The following AXIN1 variants were observed in gnomAD, a reference collection of about 807,000 sequenced individuals.
AXIN1 encodes axin 1.
AXIN1 carries 30 observed loss-of-function variants against 76.4 expected under a neutral mutation model. That is an observed-to-expected ratio of 0.39 (90% CI 0.29 to 0.53). The LOEUF is 0.53. Ranked by LOEUF, AXIN1 falls within the 20% of genes least tolerant of loss-of-function variation. AXIN1 has a pLI of 0.66. For missense variants in AXIN1, 1,140 were observed against 1,198.8 expected, an observed-to-expected ratio of 0.95 and a Z score of 0.72; for synonymous variants, 545 against 501.4, an observed-to-expected ratio of 1.09 and a Z score of -1.16.
At chr16:327,596 T>C (rs547269828) in intron 2 of AXIN1, among the ~76,000 whole-genome samples, 82 of 152,364 alleles carry the variant, frequency 5.4e-4, no homozygotes, top group African/African-American at 1.8e-3. Flanking sequence ...TTCTGCAGAC[T>C]GTCCACAGGC....
In AXIN1 at chr16:288,266, G is replaced by A. The variant is rs1450565228; in HGVS notation, c.2463-18C>T. 2 of 1,613,256 alleles carry A rather than the reference G, an allele frequency of 1.2e-6. No homozygotes were observed. The highest frequency in any genetic ancestry group is 1.7e-6 in the Non-Finnish European group (2 of 1,179,976). ...AGTAGTATCTGCAGGACGGAGGTGA[G>A]GAGGGCAGTGAGCAGGCAGCACCGC... On this transcript the variant is annotated intron_variant, in intron 10 of 10. Coordinates refer to ENST00000262320, the MANE Select transcript of AXIN1 (RefSeq NM_003502.4).
chr16:332,775 T>C (rs533228580), intron 2 of AXIN1, among the ~76,000 whole-genome samples: 2 of 151,186 alleles, frequency 1.3e-5, no homozygotes, highest in Admixed American at 1.3e-4. Flanking sequence ...GCAAAATATA[T>C]GAAAGATTTA....
chr16:313,170 T>G (rs2053221930), intron 3 of AXIN1, among the ~76,000 whole-genome samples: 1 of 152,204 alleles, frequency 6.6e-6, no homozygotes, highest in African/African-American at 2.4e-5. Context: ...CCAGGCGTGG[T>G]GGCGCACGCT....
intron 9 of AXIN1, 43 bp downstream of exon 9, chr16:291,147 G>A (rs538739736): frequency 3.9e-6 from 6 of 1,539,266 alleles, no homozygotes; most frequent in East Asian, 4.8e-5. Flanking sequence ...GGACGCCAGG[G>A]CTGGGGTGGG....
intron 5 of AXIN1, among the ~76,000 whole-genome samples, chr16:299,654 CTATT>C (rs1418624330): frequency 6.8e-6 from 1 of 146,690 alleles, no homozygotes; most frequent in African/African-American, 2.5e-5. Flanking sequence ...CACAACCGGC[CTATT>C]TATTTTCATT....
chr16:331,324 T>C (rs536972899), intron 2 of AXIN1, among the ~76,000 whole-genome samples: 21 of 152,330 alleles, frequency 1.4e-4, no homozygotes, highest in African/African-American at 4.8e-4. Flanking sequence ...AAGCTGGGTC[T>C]ACCCTCTTTA....
intron 2 of AXIN1, among the ~76,000 whole-genome samples, chr16:344,423 C>G (rs778479572): frequency 3.5e-5 from 4 of 115,140 alleles, no homozygotes; most frequent in Non-Finnish European, 6.2e-5. Flanking sequence ...GAGCAAGACT[C>G]CATCTCAAAA....
intron 2 of AXIN1, among the ~76,000 whole-genome samples, chr16:320,698 TA>T (rs2053421686): frequency 6.7e-6 from 1 of 149,180 alleles, no homozygotes; most frequent in East Asian, 1.9e-4. Flanking sequence ...TATATGTATA[TA>T]TGCATACGTA....
intron 2 of AXIN1, among the ~76,000 whole-genome samples, chr16:336,427 C>T (rs2053804359): frequency 6.6e-6 from 1 of 152,194 alleles, no homozygotes; most frequent in South Asian, 2.1e-4. Flanking sequence ...TAATATGTGT[C>T]AGCCCTGACC....
Position 328,526 on chromosome 16 carries a change from T to C in AXIN1, c.879-13843A>G, listed in dbSNP as rs372365452. On this transcript the variant is annotated intron_variant, in intron 2 of 10. Transcript: ENST00000262320. ...GCCTGACCAACATGGAGAAACCCCA[T>C]CTCTACTAAAAAAAAAAAAATTAGC... Among the ~76,000 whole-genome samples the C allele has an allele frequency of 3.3e-3, 476 of 143,500 alleles. 3 individuals are homozygous for C. Among genetic ancestry groups the C allele is most frequent in the African/African-American group, 0.011 (416 of 38,264 alleles). 94.1% of individuals were successfully genotyped at this position (143,500 alleles called of 152,430 possible). A position where few individuals can be genotyped will look rare whatever the true frequency, so the allele number is the denominator to read the frequency against.
chr16:350,602 G>A (rs568072318), intron 1 of AXIN1, among the ~76,000 whole-genome samples: 3 of 152,274 alleles, frequency 2.0e-5, no homozygotes, highest in South Asian at 2.1e-4. Context: ...AACACAACAC[G>A]ACTCTGACAT....
chr16:339,086 T>A (rs1284742348), intron 2 of AXIN1, among the ~76,000 whole-genome samples: 1 of 150,210 alleles, frequency 6.7e-6, no homozygotes, highest in Non-Finnish European at 1.5e-5. Flanking sequence ...ACAAAAAAAA[T>A]TTCCCTTTGG....
chr16:291,572 G>A (rs952120260), intron 8 of AXIN1: 2 of 526,668 alleles, frequency 3.8e-6, no homozygotes. Context: ...TCCGATCAGG[G>A]GTGCTGGGAT....
chr16:310,228 C>A (rs902999505), intron 3 of AXIN1, among the ~76,000 whole-genome samples, 159 bp from the exon 4 acceptor site: 3 of 152,170 alleles, frequency 2.0e-5, no homozygotes, highest in Non-Finnish European at 2.9e-5. Flanking sequence ...GATGCAGGCA[C>A]CCATGTGTGC....
At chr16:297,575 A>G in intron 6 of AXIN1, 147 bp downstream of exon 6, 1 of 1,213,870 alleles carries the variant, frequency 8.2e-7, no homozygotes, top group South Asian at 1.6e-5. Flanking sequence ...CCCCTGACCC[A>G]GGGCCCAGTC....
rs755517838 is a variant in AXIN1, at chr16:293,443, T to C, written c.2186+45A>G. 1.9e-6 allele frequency: 3 copies of C among 1,576,722 alleles called. No homozygotes were observed. Among genetic ancestry groups the C allele is most frequent in the South Asian group, 1.1e-5 (1 of 90,150 alleles). On this transcript the variant is annotated intron_variant, in intron 8 of 10. Transcript: ENST00000262320. This position sits in a 1 kb window ranked among gnomAD's most constrained non-coding sequence, Gnocchi z 4.6. ...GGAGCTTCAGCCCCAGGAGTGGTGC[T>C]GTGGTAACCCCCAAGACCCACCCCA...
chr16:346,002 C>T (rs1400088072), intron 2 of AXIN1, 146 bp downstream of exon 2: 2 of 758,050 alleles, frequency 2.6e-6, no homozygotes, highest in Non-Finnish European at 4.4e-6. Context: ...AAAAGTATCA[C>T]AAATAAGAAC....
intron 3 of AXIN1, among the ~76,000 whole-genome samples, chr16:312,990 C>T (rs1249568186): frequency 6.6e-6 from 1 of 152,178 alleles, no homozygotes; most frequent in Non-Finnish European, 1.5e-5. Context: ...TTGGAGACTG[C>T]ATAGTGAGGC....
At chr16:342,579 G>T (rs1223833738) in intron 2 of AXIN1, among the ~76,000 whole-genome samples, 3 of 152,204 alleles carry the variant, frequency 2.0e-5, no homozygotes, top group Non-Finnish European at 4.4e-5. Context: ...GCAGCCGTCT[G>T]TCTGGGTGGA....
Sources: allele counts gnomAD v4.1 joint callset (sites outside exome capture counted in the v4.1 genomes callset), GRCh38; gene constraint gnomAD v4.1.1; non-coding constraint Gnocchi (gnomAD v3.1); transcripts MANE v1.5; gene names NCBI Gene and HGNC (gene_info 2026-07-23, HGNC 2026-07-21).